Variants in SMYD1 observed in about 807,000 individuals in gnomAD.
SMYD1 encodes histone-lysine N-methyltransferase SMYD1.
Under a neutral mutation model 54.0 loss-of-function variants are expected in SMYD1, and 49 were observed. The ratio of observed to expected loss-of-function variants is 0.91; its 90% CI spans 0.72 to 1.15. SMYD1 has a LOEUF of 1.15. Among genes scored for constraint, SMYD1 ranks in the 50% most tolerant of loss-of-function variants. SMYD1 has a pLI of 0.00. For synonymous variants in SMYD1, 269 were observed against 234.2 expected (o/e 1.15, Z -1.36); for missense variants, 653 against 639.6 (o/e 1.02, Z -0.23).
chr2:88,112,955 G>A lies in SMYD1; in HGVS notation c.*2443G>A, dbSNP rs527763360. 1 of 152,184 alleles carries A rather than the reference G, an allele frequency of 6.6e-6. No homozygotes were observed. Among genetic ancestry groups the A allele is most frequent in the South Asian group, 2.1e-4 (1 of 4,814 alleles). 9.4% of individuals were successfully genotyped at this position (152,184 alleles called of 1,614,324 possible). On this transcript the variant is annotated 3_prime_UTR_variant, in exon 10 of 10. Coordinates refer to ENST00000419482, the MANE Select transcript of SMYD1 (RefSeq NM_198274.4). Reference sequence around the variant, plus strand: ...ACCCTTCATTTAATGACCACCTTAGGGCTGATGATTCTCAAATCTGTATTC... The same window carrying A: ...ACCCTTCATTTAATGACCACCTTAGAGCTGATGATTCTCAAATCTGTATTC...
chr2:88,104,064 T>C (rs1674793194), intron 7 of SMYD1, among the ~76,000 whole-genome samples: 1 of 151,970 alleles, frequency 6.6e-6, no homozygotes, highest in African/African-American at 2.4e-5. Flanking sequence ...CCTCCCAGGT[T>C]CACGCCATTC....
Position 88,091,124 on chromosome 2 carries a change from T to C in SMYD1, c.641T>C (p.Val214Ala), listed in dbSNP as rs745420871. Reference sequence around the variant, plus strand: ...CATGACTGTTGGCCCAACTGTACTGTCATATTTAACAATGGCAAGTGAGTA... The same window carrying C: ...CATGACTGTTGGCCCAACTGTACTGCCATATTTAACAATGGCAAGTGAGTA... ...VNHDCWPNCT[V>A]IFNNGNHEAV... is the part of the protein sequence containing the mutation. Residue 214 changes from valine to alanine, a missense_variant, in exon 4 of 10, where the codon GTC (valine) becomes GCC (alanine). Physicochemically the swap from Val to Ala is moderately conservative, Grantham distance 64. Coordinates refer to ENST00000419482, the MANE Select transcript of SMYD1 (RefSeq NM_198274.4). 6.2e-7 allele frequency: 1 copy of C among 1,614,060 alleles called. No individual in the cohort carries two copies. The highest frequency in any genetic ancestry group is 8.5e-7 in the Non-Finnish European group (1 of 1,179,958).
rs1291581497 is a variant in SMYD1, at chr2:88,111,460, GC to G, written c.*949del. The G allele has an allele frequency of 6.6e-6, 1 of 152,286 alleles. No homozygotes were observed. Among genetic ancestry groups the G allele is most frequent in the East Asian group, 1.9e-4 (1 of 5,200 alleles). 9.4% of individuals were successfully genotyped at this position (152,286 alleles called of 1,614,324 possible). ...GGCCCTGCAGAATTGGCCCTTGGGG[GC>G]TTTATTTGGTTACATGTGCCTGGGT... is the stretch of plus-strand genomic sequence containing the variant. On this transcript the variant is annotated 3_prime_UTR_variant, in exon 10 of 10. Coordinates refer to ENST00000419482, the MANE Select transcript of SMYD1 (RefSeq NM_198274.4).
intron 7 of SMYD1, 144 bp from the exon 8 acceptor site, chr2:88,106,181 C>T: frequency 1.8e-6 from 2 of 1,120,658 alleles, no homozygotes; most frequent in Non-Finnish European, 2.5e-6. Context: ...ATTCATACCC[C>T]AAACCTGTGC....
chr2:88,081,738 T>C (rs1248839983), intron 1 of SMYD1, among the ~76,000 whole-genome samples: 3 of 152,080 alleles, frequency 2.0e-5, no homozygotes, highest in Admixed American at 2.0e-4. Context: ...ACCCGGCCAT[T>C]TGACCCTAAA....
chr2:88,083,789 T>A (rs1674254338), intron 1 of SMYD1, among the ~76,000 whole-genome samples: 1 of 152,128 alleles, frequency 6.6e-6, no homozygotes, highest in Non-Finnish European at 1.5e-5. Flanking sequence ...GTCCTTCACA[T>A]GGGGGTCACT....
At chr2:88,085,120 A>G (rs1339037667) in intron 2 of SMYD1, among the ~76,000 whole-genome samples, 7 of 152,068 alleles carry the variant, frequency 4.6e-5, no homozygotes, top group Non-Finnish European at 8.8e-5. Flanking sequence ...TAAAATTAGG[A>G]TTTCTGACTT....
At chr2:88,086,629 G>T (rs544569882) in intron 2 of SMYD1, among the ~76,000 whole-genome samples, 2 of 152,076 alleles carry the variant, frequency 1.3e-5, no homozygotes, top group African/African-American at 4.8e-5. Flanking sequence ...CGAGGCCTCC[G>T]CTCACACTGT....
chr2:88,084,608 C>A (rs912157717), intron 2 of SMYD1, 116 bp downstream of exon 2: 3 of 962,570 alleles, frequency 3.1e-6, no homozygotes, highest in Non-Finnish European at 4.6e-6. Context: ...CAGGAAACAG[C>A]CTCAAAGACT....
In SMYD1 at chr2:88,106,428, C is replaced by A. The variant is rs866274358; in HGVS notation, c.1085C>A (p.Ser362Tyr). 6.2e-7 allele frequency: 1 copy of A among 1,614,170 alleles called. No homozygotes were observed. Among genetic ancestry groups the A allele is most frequent in the Admixed American group, 1.7e-5 (1 of 60,020 alleles). Residue 362 changes from serine (S) to tyrosine (Y), a missense_variant, in exon 8 of 10, where the codon TCC becomes TAC. Transcript: ENST00000419482. ...RMLSIVSEVLSYLQAFEEASF... is the reference protein window; with the variant it reads ...RMLSIVSEVLYYLQAFEEASF... The stretch of plus-strand genomic sequence containing the variant: ...CTGAGCATTGTTTCGGAGGTCCTTT[C>A]CTACCTCCAGGCCTTTGAGGAGGCC...
chr2:88,075,881 C>A (rs2103979347), intron 1 of SMYD1, among the ~76,000 whole-genome samples: 1 of 152,246 alleles, frequency 6.6e-6, no homozygotes, highest in East Asian at 1.9e-4. Flanking sequence ...ATAGTCAGTG[C>A]AAACATGAAT....
At chr2:88,073,450 G>A (rs1673991971) in intron 1 of SMYD1, among the ~76,000 whole-genome samples, 3 of 152,122 alleles carry the variant, frequency 2.0e-5, no homozygotes, top group Non-Finnish European at 4.4e-5. Context: ...TGGGTCGAAT[G>A]GTAATTCTAG....
chr2:88,073,148 GA>G (rs1428675710), intron 1 of SMYD1, among the ~76,000 whole-genome samples: 6 of 152,134 alleles, frequency 3.9e-5, no homozygotes, highest in African/African-American at 9.7e-5. Context: ...ACTTCAAAAT[GA>G]AAACATGTTA....
At chr2:88,095,941 C>T (rs1171207819) in intron 5 of SMYD1, among the ~76,000 whole-genome samples, 12 of 152,200 alleles carry the variant, frequency 7.9e-5, no homozygotes, top group African/African-American at 2.9e-4. Context: ...GCCATCTGCC[C>T]TTGCTAACTA....
intron 7 of SMYD1, among the ~76,000 whole-genome samples, chr2:88,105,252 GTATT>G (rs1223843463): frequency 6.6e-6 from 1 of 152,282 alleles, no homozygotes; most frequent in East Asian, 1.9e-4. Context: ...CTTTGGCAAA[GTATT>G]TACCCTCTCT....
Position 88,096,733 on chromosome 2 carries a change from C to A in SMYD1, c.837C>A (p.Cys279Ter), listed in dbSNP as rs758975722. ...QYYFDCTCEH[C>*]QKKLKDDLFL... is the part of the protein sequence containing the mutation. ...ACTTTGACTGCACATGTGAACACTGCCAGAAAAAACTGAAGGATGACCTCT... is the reference window on the plus strand; with the variant it reads ...ACTTTGACTGCACATGTGAACACTGACAGAAAAAACTGAAGGATGACCTCT... Residue 279 changes from cysteine (C) to a stop codon, truncating the protein, a stop_gained, in exon 6 of 10, where the codon TGC becomes TGA. Transcript: ENST00000419482. LOFTEE classifies it high-confidence loss of function. The A allele has an allele frequency of 6.2e-7, 1 of 1,614,070 alleles. No individual in the cohort carries two copies.
rs778546715 is a variant in SMYD1, at chr2:88,108,495, C to T, written c.1270C>T (p.Leu424=). ...GATCTGCAAAGCCTATGCCATTCTC[C>T]TGGTGACACACGGACCCTCCCACCC... ...GMICKAYAIL[L]VTHGPSHPIT... Residue 424 remains leucine, a synonymous_variant, in exon 9 of 10, where the codon CTG becomes TTG. Transcript: ENST00000419482. 8.1e-6 allele frequency: 13 copies of T among 1,609,758 alleles called. No individual in the cohort carries two copies. In the Admixed American group the frequency reaches 8.4e-5, roughly 10 times the overall value.
In SMYD1 at chr2:88,091,109, G is replaced by A; in HGVS notation, c.626G>A (p.Trp209Ter). Residue 209 changes from tryptophan (W) to a stop codon, truncating the protein, a stop_gained, in exon 4 of 10, where the codon TGG (tryptophan) becomes TAG (stop). Coordinates refer to ENST00000419482, the MANE Select transcript of SMYD1 (RefSeq NM_198274.4). LOFTEE classifies it high-confidence loss of function. ...CTGGGCCTGGTGAACCATGACTGTT[G>A]GCCCAACTGTACTGTCATATTTAAC... Reference protein sequence around the residue: ...PNLGLVNHDCWPNCTVIFNNG... With the variant: ...PNLGLVNHDC 6.2e-7 allele frequency: 1 copy of A among 1,614,148 alleles called. No individual in the cohort carries two copies. Among genetic ancestry groups the A allele is most frequent in the Non-Finnish European group, 8.5e-7 (1 of 1,180,032 alleles).
chr2:88,110,200 A>AGAGTGTGTGTGTGTGTGTGT (rs139694354), intron 9 of SMYD1, among the ~76,000 whole-genome samples, 154 bp from the exon 10 acceptor site: 3 of 138,988 alleles, frequency 2.2e-5, no homozygotes, highest in South Asian at 2.4e-4. Context: ...TTGATGAATG[A>AGAGTGTGTGTGTGTGTGTGT]GTGTGTGTGT....
Sources: allele counts gnomAD v4.1 joint callset (sites outside exome capture counted in the v4.1 genomes callset), GRCh38; gene constraint gnomAD v4.1.1; transcripts MANE v1.5; gene names NCBI Gene and HGNC (gene_info 2026-07-23, HGNC 2026-07-21).